The following RIN2 variants were observed in gnomAD, a reference collection of about 807,000 sequenced individuals.
RIN2 encodes the protein Ras and Rab interactor 2.
In RIN2, 36 loss-of-function variants were observed where a neutral mutation model predicts 78.0. The observed-to-expected ratio is 0.46, with a 90% CI of 0.35 to 0.61. The LOEUF is 0.61. Ranked by LOEUF, RIN2 falls within the 20% of genes least tolerant of loss-of-function variation. RIN2 has a pLI of 0.00. For missense variants in RIN2, 1,087 were observed against 1,159.7 expected (o/e 0.94, Z 0.91); for synonymous variants, 466 against 466.8 (o/e 1.00, Z 0.02).
rs546183041 is a variant in RIN2 at position 19,862,363 on chromosome 20, G to T, written c.-36-27203G>T. ...TCCCACCACTTTGGGAGGCCGAGGCGGGTGGATTGCCTGAGCTCGAGAGTT... is the reference window on the plus strand; with the variant it reads ...TCCCACCACTTTGGGAGGCCGAGGCTGGTGGATTGCCTGAGCTCGAGAGTT... On this transcript the variant is annotated intron_variant, in intron 2 of 12. Transcript: ENST00000255006. Among the ~76,000 whole-genome samples the T allele has an allele frequency of 2.6e-5, 4 of 152,228 alleles. No individual in the cohort carries two copies. In the East Asian group the frequency reaches 7.7e-4, roughly 29 times the overall value.
At chr20:19,795,556 G>A (rs765137845) in intron 1 of RIN2, among the ~76,000 whole-genome samples, 12 of 152,130 alleles carry the variant, frequency 7.9e-5, no homozygotes, top group Non-Finnish European at 1.5e-4. Flanking sequence ...AGATAAGGGT[G>A]TCAGAGATCT....
chr20:19,851,376 G>A (rs1418143583), intron 2 of RIN2, among the ~76,000 whole-genome samples: 3 of 152,048 alleles, frequency 2.0e-5, no homozygotes, highest in Non-Finnish European at 4.4e-5. Context: ...GAAGGAGATT[G>A]GGAAAAGTTT....
At chr20:19,790,060 C>T (rs1242893446) in intron 1 of RIN2, among the ~76,000 whole-genome samples, 1 of 152,136 alleles carries the variant, frequency 6.6e-6, no homozygotes, top group Non-Finnish European at 1.5e-5. Context: ...CAAAATGTGG[C>T]ACCCAGAATT....
intron 2 of RIN2, among the ~76,000 whole-genome samples, chr20:19,835,201 C>T (rs988064151): frequency 7.2e-5 from 11 of 151,984 alleles, no homozygotes; most frequent in Middle Eastern, 3.2e-3. Flanking sequence ...TAGACTAACT[C>T]CCACATTGCA....
At chr20:19,828,957 G>A (rs891044994) in intron 2 of RIN2, among the ~76,000 whole-genome samples, 3 of 152,112 alleles carry the variant, frequency 2.0e-5, no homozygotes, top group African/African-American at 4.8e-5. Context: ...TTGATAGGGT[G>A]GGTGGAAGGA....
chr20:19,956,979 C>T (rs565646840), intron 5 of RIN2, among the ~76,000 whole-genome samples, 172 bp downstream of exon 5: 1 of 152,306 alleles, frequency 6.6e-6, no homozygotes, highest in East Asian at 1.9e-4. Context: ...GGAACAGAGC[C>T]CTTCACGATG....
chr20:19,926,406 G>C (rs1382228374), intron 3 of RIN2, among the ~76,000 whole-genome samples: 1 of 152,070 alleles, frequency 6.6e-6, no homozygotes. Context: ...CTCTGCAAGT[G>C]AAGGGGAAAA....
intron 2 of RIN2, among the ~76,000 whole-genome samples, chr20:19,873,608 A>G (rs2037759049): frequency 6.6e-6 from 1 of 152,186 alleles, no homozygotes; most frequent in Non-Finnish European, 1.5e-5. Flanking sequence ...TGGTAGGTGC[A>G]TTTGGCCTAG....
In RIN2 at chr20:19,805,079, G is replaced by A. The variant is rs148617525; in HGVS notation, c.-37+5332G>A. ...GATGAGAAAACTGAAGCACTGAGAA[G>A]TCAAGTTACCTGTGTGTCATGGCGT... On this transcript the variant is annotated intron_variant, in intron 2 of 12. Transcript: ENST00000255006. 7.0e-3 allele frequency among the ~76,000 whole-genome samples: 1,059 copies of A among 152,272 alleles called. 9 individuals are homozygous for A. Among genetic ancestry groups the A allele is most frequent in the African/African-American group, 0.024 (1,008 of 41,550 alleles).
chr20:19,920,219 C>T (rs2039858010), intron 3 of RIN2, among the ~76,000 whole-genome samples: 1 of 151,712 alleles, frequency 6.6e-6, no homozygotes, highest in Non-Finnish European at 1.5e-5. Context: ...TGGCGTGAAC[C>T]CGGGAGGGGG....
intron 9 of RIN2, among the ~76,000 whole-genome samples, chr20:19,983,931 C>A (rs922164086): frequency 1.3e-5 from 2 of 151,890 alleles, no homozygotes; most frequent in African/African-American, 4.8e-5. Flanking sequence ...GTGCAACGTG[C>A]AGGTTTTTTA....
chr20:19,772,397 C>T (rs1157507884), intron 1 of RIN2, among the ~76,000 whole-genome samples: 1 of 152,184 alleles, frequency 6.6e-6, no homozygotes, highest in Non-Finnish European at 1.5e-5. Context: ...CGATGACCCC[C>T]CTGTTTTCAA....
intron 6 of RIN2, among the ~76,000 whole-genome samples, chr20:19,963,618 A>AG (rs939098439): frequency 2.0e-5 from 3 of 151,978 alleles, no homozygotes; most frequent in Non-Finnish European, 2.9e-5. Flanking sequence ...TCCAAAAAAA[A>AG]AAAAAAAGGC....
At chr20:19,891,815 C>T (rs1363561801) in intron 3 of RIN2, among the ~76,000 whole-genome samples, 1 of 151,960 alleles carries the variant, frequency 6.6e-6, no homozygotes, top group African/African-American at 2.4e-5. Flanking sequence ...GGCAACAGAG[C>T]AAGACTCCAT....
chr20:19,894,131 A>G (rs181330659), intron 3 of RIN2, among the ~76,000 whole-genome samples: 2 of 152,308 alleles, frequency 1.3e-5, no homozygotes, highest in Admixed American at 6.5e-5. Context: ...CACCCTACAC[A>G]TGGTAGCCAA....
At chr20:19,904,360 C>A (rs1483540962) in intron 3 of RIN2, among the ~76,000 whole-genome samples, 1 of 151,716 alleles carries the variant, frequency 6.6e-6, no homozygotes, top group Non-Finnish European at 1.5e-5. Context: ...AGTATTGATT[C>A]CACACCTACA....
At chr20:19,881,554 G>A (rs898012739) in intron 2 of RIN2, among the ~76,000 whole-genome samples, 3 of 151,958 alleles carry the variant, frequency 2.0e-5, no homozygotes, top group Non-Finnish European at 2.9e-5. Context: ...ATGACATTTC[G>A]ACCCAAAACA....
chr20:19,980,484 C>T (rs2042412207), intron 9 of RIN2, among the ~76,000 whole-genome samples: 1 of 152,186 alleles, frequency 6.6e-6, no homozygotes, highest in Non-Finnish European at 1.5e-5. Flanking sequence ...AAAGACCTTG[C>T]TCACAAGGTG....
chr20:19,977,832 G>C (rs549290685), intron 9 of RIN2, among the ~76,000 whole-genome samples: 5 of 152,134 alleles, frequency 3.3e-5, no homozygotes, highest in Non-Finnish European at 5.9e-5. Flanking sequence ...GCATTGCCAT[G>C]CTTTTTCTGT....
Sources: gnomAD v4.1 joint callset for allele counts (sites outside exome capture counted in the v4.1 genomes callset) on GRCh38, gnomAD v4.1.1 for gene constraint, MANE v1.5 for transcripts, NCBI Gene and HGNC (gene_info 2026-07-23, HGNC 2026-07-21) for gene names.